Variants in PDZD2 observed in about 807,000 individuals in gnomAD.
The protein encoded by PDZD2 is PDZ domain containing 2.
PDZD2 carries 90 observed loss-of-function variants against 220.7 expected under a neutral mutation model. That is an observed-to-expected ratio of 0.41 (90% CI 0.34 to 0.49). The LOEUF is 0.49. Among genes scored for constraint, PDZD2 ranks in the 20% least tolerant of loss-of-function variants. The pLI is 0.28. For synonymous variants in PDZD2, 1,375 were observed against 1,450.5 expected (o/e 0.95, Z 1.18); for missense variants, 3,174 against 3,608.5 (o/e 0.88, Z 3.08).
At chr5:31,858,895 C>G (rs912811248) in intron 2 of PDZD2, among the ~76,000 whole-genome samples, 1 of 151,936 alleles carries the variant, frequency 6.6e-6, no homozygotes, top group Admixed American at 6.6e-5. Context: ...ATTTTTGTAT[C>G]TTTAGTAGAG....
intron 2 of PDZD2, among the ~76,000 whole-genome samples, chr5:31,800,309 C>T (rs1754317931): frequency 6.6e-6 from 1 of 152,174 alleles, no homozygotes; most frequent in African/African-American, 2.4e-5. Context: ...CACAAGCTTC[C>T]AGTTGTCTCT....
intron 7 of PDZD2, among the ~76,000 whole-genome samples, chr5:32,047,411 A>G (rs958476491): frequency 8.5e-5 from 13 of 152,212 alleles, no homozygotes; most frequent in African/African-American, 2.7e-4. Context: ...ATATCTAATG[A>G]CATGTGAGAG....
chr5:32,103,334 C>T (rs752393231), intron 24 of PDZD2: 3 of 152,366 alleles, frequency 2.0e-5, no homozygotes, highest in Non-Finnish European at 4.4e-5. Flanking sequence ...AGAAGGATCG[C>T]TTCAGCCCTG....
chr5:31,918,702 G>A (rs1326826522), intron 2 of PDZD2, among the ~76,000 whole-genome samples: 2 of 152,168 alleles, frequency 1.3e-5, no homozygotes, highest in African/African-American at 2.4e-5. Flanking sequence ...TAAAAAAGAT[G>A]AAGGTTACAG....
At chr5:31,838,071 G>T (rs1223848818) in intron 2 of PDZD2, among the ~76,000 whole-genome samples, 6 of 152,074 alleles carry the variant, frequency 3.9e-5, no homozygotes, top group Non-Finnish European at 7.4e-5. Flanking sequence ...ATTATATCCT[G>T]TGTTTATACT....
rs549664614 is a variant in PDZD2 at position 31,826,601 on chromosome 5, G to A, written c.476+26877G>A. On this transcript the variant is annotated intron_variant, in intron 2 of 24. Transcript: ENST00000438447. The stretch of plus-strand genomic sequence containing the variant: ...TGAGGCAGGAGAATCACTTGAACTC[G>A]GAAGGCAGAGGTTGCAGTGAGCCGA... Among the ~76,000 whole-genome samples the A allele has an allele frequency of 5.3e-5, 8 of 151,622 alleles. No homozygotes were observed. In the East Asian group the frequency reaches 7.8e-4, roughly 15 times the overall value.
intron 1 of PDZD2, among the ~76,000 whole-genome samples, chr5:31,721,495 C>A (rs935992203): frequency 6.9e-6 from 1 of 145,742 alleles, no homozygotes; most frequent in African/African-American, 2.6e-5. Context: ...AAATGCAAAG[C>A]CTGACACCAA....
chr5:32,023,791 C>G (rs748017132), intron 6 of PDZD2, among the ~76,000 whole-genome samples: 3 of 152,296 alleles, frequency 2.0e-5, no homozygotes, highest in African/African-American at 7.2e-5. Context: ...CCGTAGCCCC[C>G]CTTATCCAGA....
chr5:31,906,733 G>T (rs557341332), intron 2 of PDZD2, among the ~76,000 whole-genome samples: 2 of 152,012 alleles, frequency 1.3e-5, no homozygotes, highest in African/African-American at 4.8e-5. Flanking sequence ...GTCCCAGCTG[G>T]TTGGGAGGAT....
chr5:31,785,111 A>G (rs1200941429), intron 1 of PDZD2, among the ~76,000 whole-genome samples: 9 of 152,176 alleles, frequency 5.9e-5, no homozygotes, highest in Non-Finnish European at 1.3e-4. Context: ...CAGGGTAAGC[A>G]TGCATTGATT....
intron 14 of PDZD2, 88 bp from the exon 15 acceptor site, chr5:32,069,481 A>C: frequency 3.9e-6 from 3 of 775,820 alleles, no homozygotes; most frequent in Non-Finnish European, 6.9e-6. Context: ...CTTTATCTGC[A>C]CTTGACTCTG....
rs1379431855 is a variant in PDZD2 at position 32,009,546 on chromosome 5, A to G, written c.1255-784A>G. ...AGTTCGAGACCAGCCTGGGCAACAT[A>G]GTGAGACCTTGTGTCTACAAAATAA... is the stretch of plus-strand genomic sequence containing the variant. On this transcript the variant is annotated intron_variant, in intron 5 of 24. Transcript: ENST00000438447. Among the ~76,000 whole-genome samples the G allele has an allele frequency of 5.3e-5, 8 of 151,232 alleles. No individual in the cohort carries two copies. In the East Asian group the frequency reaches 7.9e-4, roughly 15 times the overall value.
intron 1 of PDZD2, among the ~76,000 whole-genome samples, chr5:31,770,626 C>T (rs919337): frequency 0.41 from 61,676 of 151,836 alleles, 13,076 homozygotes; most frequent in Non-Finnish European, 0.45. Flanking sequence ...GTGAGATTTC[C>T]TGGTCCAGGC....
chr5:31,861,671 G>C (rs1191916833), intron 2 of PDZD2, among the ~76,000 whole-genome samples: 1 of 152,100 alleles, frequency 6.6e-6, no homozygotes, highest in Non-Finnish European at 1.5e-5. Flanking sequence ...GCTTCTGCTT[G>C]TGAAAAGCCA....
chr5:32,042,174 A>G lies in PDZD2; in HGVS notation c.1519+4832A>G, dbSNP rs1304301481. On this transcript the variant is annotated intron_variant, in intron 7 of 24. Coordinates refer to ENST00000438447, the MANE Select transcript of PDZD2 (RefSeq NM_178140.4). ...CTACTCGGGAGGCTGAGGCAGGAGAATGGCATGAATCCAGGAGGCGGAGCT... is the reference window on the plus strand; with the variant it reads ...CTACTCGGGAGGCTGAGGCAGGAGAGTGGCATGAATCCAGGAGGCGGAGCT... Among the ~76,000 whole-genome samples, 6 of 151,744 alleles carry G rather than the reference A, an allele frequency of 4.0e-5. No homozygotes were observed. The East Asian group carries it at 1.2e-3, about 29-fold the overall frequency.
In PDZD2 at chr5:31,646,879, C is replaced by T. The variant is rs115850127; in HGVS notation, c.-361+7442C>T. Among the ~76,000 whole-genome samples, 522 of 152,244 alleles carry T rather than the reference C, an allele frequency of 3.4e-3. 3 individuals carry two copies. Among genetic ancestry groups the T allele is most frequent in the African/African-American group, 0.012 (494 of 41,528 alleles). ...ACAGCTGTCTCCAGAAAATGTGCTCCGAGTGTCCCCATCAGCGTGGATTCC... is the reference window on the plus strand; with the variant it reads ...ACAGCTGTCTCCAGAAAATGTGCTCTGAGTGTCCCCATCAGCGTGGATTCC... On this transcript the variant is annotated intron_variant, in intron 1 of 24. Transcript: ENST00000438447. This position sits in a 1 kb window ranked among gnomAD's most constrained non-coding sequence, Gnocchi z 4.7.
chr5:31,743,807 A>G (rs191033301), intron 1 of PDZD2, among the ~76,000 whole-genome samples: 1 of 152,252 alleles, frequency 6.6e-6, no homozygotes, highest in Non-Finnish European at 1.5e-5. Flanking sequence ...AATGGAAGAA[A>G]CATGCCCCAC....
intron 2 of PDZD2, among the ~76,000 whole-genome samples, chr5:31,882,369 C>T (rs181296520): frequency 6.6e-5 from 10 of 152,274 alleles, no homozygotes; most frequent in Non-Finnish European, 1.5e-4. Context: ...CCCCATCTCT[C>T]CTGGGATTTT....
intron 2 of PDZD2, chr5:31,840,440 A>ATG (rs1561499374): frequency 4.5e-5 from 3 of 66,084 alleles, no homozygotes; most frequent in Non-Finnish European, 8.3e-5. Context: ...ATATATATAT[A>ATG]TATATATATT....
Sources: gnomAD v4.1 joint callset for allele counts (sites outside exome capture counted in the v4.1 genomes callset) on GRCh38, gnomAD v4.1.1 for gene constraint, Gnocchi (gnomAD v3.1) non-coding constraint, MANE v1.5 for transcripts, NCBI Gene and HGNC (gene_info 2026-07-23, HGNC 2026-07-21) for gene names.